Variants in SUN1 observed in about 807,000 individuals in gnomAD.
SUN1 encodes the protein Sad1 and UNC84 domain containing 1.
In SUN1, 61 loss-of-function variants were observed where a neutral mutation model predicts 103.2. The ratio of observed to expected loss-of-function variants is 0.59; its 90% confidence interval spans 0.48 to 0.73. The LOEUF (loss-of-function observed/expected upper bound fraction) is 0.73, where lower values mean the gene tolerates loss of function less well. SUN1 is among the 30% of genes least tolerant of loss of function. The pLI, the probability that SUN1 is intolerant of heterozygous loss-of-function variation, is 0.00. For missense variants in SUN1, 1,052 were observed against 1,034.6 expected, an observed-to-expected ratio of 1.02 and a Z score of -0.23; for synonymous variants, 490 against 425.7, an observed-to-expected ratio of 1.15 and a Z score of -1.86.
intron 16 of SUN1, 95 bp from the exon 17 acceptor site, chr7:869,254 T>C (rs1839705887): frequency 1.0e-5 from 15 of 1,452,076 alleles, no homozygotes; most frequent in South Asian, 4.2e-5. Context: ...GTAAAACTTA[T>C]TTTTATCTCA....
At chr7:854,894 T>C (rs1321607291) in intron 10 of SUN1, 26 bp from the exon 11 acceptor site, 1 of 1,568,838 alleles carries the variant, frequency 6.4e-7, no homozygotes, top group Non-Finnish European at 8.7e-7. Context: ...TTCTCCATCA[T>C]TTGTTCACTC....
intron 1 of SUN1, among the ~76,000 whole-genome samples, chr7:836,355 A>G (rs1803192648): frequency 6.6e-6 from 1 of 152,152 alleles, no homozygotes; most frequent in African/African-American, 2.4e-5. Context: ...AAACGTATGA[A>G]TAGGTGCATA....
chr7:832,239 C>G (rs1798637877), upstream of SUN1: 1 of 583,722 alleles, frequency 1.7e-6, no homozygotes, highest in Admixed American at 4.0e-5. Context: ...CCCCTGGTTT[C>G]ACGAGTCAGC....
chr7:863,577 G>A (rs143597812), intron 15 of SUN1, among the ~76,000 whole-genome samples: 74 of 152,186 alleles, frequency 4.9e-4, no homozygotes, highest in Non-Finnish European at 8.1e-4. Context: ...ACATATTCGC[G>A]GTGCAGCCAT....
rs1004267390 is a variant in SUN1, at chr7:846,590, A to T, written c.658+3070A>T. The stretch of plus-strand genomic sequence containing the variant: ...CTGTCTCAAATAAATAAATTAAAAA[A>T]TAGGCTGGGTACTGTGGCTCATGCC... On this transcript the variant is annotated intron_variant, in intron 5 of 18. Transcript: ENST00000401592. 3.3e-5 allele frequency among the ~76,000 whole-genome samples: 5 copies of T among 152,104 alleles called. No homozygotes were observed. The East Asian group carries it at 9.7e-4, about 30-fold the overall frequency.
At chr7:855,853 G>A (rs1418581622) in intron 11 of SUN1, among the ~76,000 whole-genome samples, 3 of 152,158 alleles carry the variant, frequency 2.0e-5, no homozygotes, top group Non-Finnish European at 4.4e-5. Flanking sequence ...GAGGGTCCGC[G>A]GGGCGCCTCC....
At chr7:866,100 C>T (rs1267415887) in intron 16 of SUN1, 33 bp downstream of exon 16, 1 of 1,582,546 alleles carries the variant, frequency 6.3e-7, no homozygotes, top group Non-Finnish European at 8.7e-7. Context: ...AGCTGCTCCT[C>T]TTCAGCATGG....
chr7:868,050 G>A (rs1838437501), intron 16 of SUN1, among the ~76,000 whole-genome samples: 1 of 152,234 alleles, frequency 6.6e-6, no homozygotes, highest in South Asian at 2.1e-4. Context: ...TCACAGCGCG[G>A]TAGAAGACGG....
At chr7:823,944 A>G (rs1267001983) in intron 1 of SUN1, among the ~76,000 whole-genome samples, 1 of 152,232 alleles carries the variant, frequency 6.6e-6, no homozygotes, top group Non-Finnish European at 1.5e-5. Flanking sequence ...GGGTTACATG[A>G]ATTATTAATG....
upstream of SUN1, among the ~76,000 whole-genome samples, chr7:829,843 C>T (rs1005144799): frequency 1.3e-5 from 2 of 152,176 alleles, no homozygotes; most frequent in African/African-American, 4.8e-5. Context: ...CGTGAGCCAC[C>T]GAGCCCGGCC....
chr7:862,060 T>C (rs1164466673), intron 15 of SUN1, among the ~76,000 whole-genome samples: 2 of 152,206 alleles, frequency 1.3e-5, no homozygotes, highest in African/African-American at 4.8e-5. Flanking sequence ...GCAGCACACC[T>C]GGATCAGACA....
rs1012690826 is a variant in SUN1 at position 849,863 on chromosome 7, G to C, written c.659-1521G>C. On this transcript the variant is annotated intron_variant, in intron 5 of 18. Transcript: ENST00000401592. ...CAGACTGCCATTGCTATGCACGGCTGAGATGGACAGAGTTTGCTTGTGAAT... is the reference window on the plus strand; with the variant it reads ...CAGACTGCCATTGCTATGCACGGCTCAGATGGACAGAGTTTGCTTGTGAAT... The C allele has an allele frequency of 2.7e-5, 42 of 1,527,922 alleles. No homozygotes were observed. The African/African-American group carries it at 3.8e-4, about 14-fold the overall frequency. The allele number at this position is 1,527,922 out of a possible 1,614,324, so 94.6% of individuals were successfully genotyped here.
At chr7:854,385 T>C (rs1825187700) in intron 10 of SUN1, among the ~76,000 whole-genome samples, 1 of 152,262 alleles carries the variant, frequency 6.6e-6, no homozygotes, top group South Asian at 2.1e-4. Context: ...TACTCACATA[T>C]GGCCGTGTAC....
At position 857,898 on chromosome 7, in the gene SUN1, C is replaced by G. The variant is rs1280462941; in HGVS notation, c.1465C>G (p.Leu489Val). ...QLELDQLKSELSSWRHVKTGC... is the reference protein window; with the variant it reads ...QLELDQLKSEVSSWRHVKTGC... ...GGAGCTGGATCAGCTAAAGTCAGAG[C>G]TGTCCAGCTGGCGACACGTGAAGAC... is the stretch of plus-strand genomic sequence containing the variant. The change falls in exon 13 of 19, where the codon CTG becomes GTG. Residue 489 changes from leucine to valine, a missense_variant. Leu to Val is a conservative substitution (Grantham distance 32). Transcript: ENST00000401592. 1.2e-6 allele frequency: 2 copies of G among 1,603,650 alleles called. No individual in the cohort carries two copies. The highest frequency in any genetic ancestry group is 1.7e-6 in the Non-Finnish European group (2 of 1,171,544).
rs181567493 is a variant in SUN1 at position 848,661 on chromosome 7, G to T, written c.659-2723G>T. On this transcript the variant is annotated intron_variant, in intron 5 of 18. Coordinates refer to ENST00000401592, the MANE Select transcript of SUN1 (RefSeq NM_001130965.3). Reference sequence around the variant, plus strand: ...TCCTTTTTCCACCAATCACACTTTCGCAGTGGAGAAAGTGCTGTGACTTTC... The same window carrying T: ...TCCTTTTTCCACCAATCACACTTTCTCAGTGGAGAAAGTGCTGTGACTTTC... 1.5e-5 allele frequency: 19 copies of T among 1,261,218 alleles called. No homozygotes were observed. In the Admixed American group the frequency reaches 2.1e-4, roughly 14 times the overall value. The allele number at this position is 1,261,218 out of a possible 1,614,324, so 78.1% of individuals were successfully genotyped here.
rs116092916 is a variant in SUN1, at chr7:823,615, C to T, written c.-74+6942C>T. 6.9e-3 allele frequency among the ~76,000 whole-genome samples: 1,043 copies of T among 152,232 alleles called. 13 individuals carry two copies. The highest frequency in any genetic ancestry group is 0.024 in the African/African-American group (994 of 41,532). On this transcript the variant is annotated intron_variant, in intron 1 of 17. Coordinates refer to the SUN1 transcript ENST00000389574. ...GAAGTAGCAGCATTTGCACCAGTGC[C>T]GTGTGTGCAGGCAGCCATGGGGGGA...
intron 15 of SUN1, among the ~76,000 whole-genome samples, chr7:862,813 C>G (rs7778360): frequency 0.78 from 118,056 of 152,160 alleles, 45,950 homozygotes; most frequent in Admixed American, 0.83. Flanking sequence ...TAGAAATTCA[C>G]ATCTCAATCA....
At chr7:832,643 C>A (rs1269476381) in intron 1 of SUN1, 42 bp downstream of exon 1, 2 of 1,541,078 alleles carry the variant, frequency 1.3e-6, no homozygotes, top group Non-Finnish European at 1.8e-6. Context: ...CTTGCAATGC[C>A]CACTCGCTGT....
At chr7:856,971 C>G (rs1191143970) in intron 12 of SUN1, among the ~76,000 whole-genome samples, 1 of 152,190 alleles carries the variant, frequency 6.6e-6, no homozygotes, top group African/African-American at 2.4e-5. Flanking sequence ...ACAGCCGGGT[C>G]CCTCTGCAGT....
Sources: allele counts gnomAD v4.1 joint callset (sites outside exome capture counted in the v4.1 genomes callset), GRCh38; gene constraint gnomAD v4.1.1; transcripts MANE v1.5; gene names NCBI Gene and HGNC (gene_info 2026-07-23, HGNC 2026-07-21).